TMEM131: variants seen among roughly 807,000 people sequenced by gnomAD.
TMEM131 encodes 2610524E03Rik.
Under a neutral mutation model 211.6 loss-of-function variants are expected in TMEM131, and 66 were observed. The observed-to-expected ratio is 0.31, with a 90% CI of 0.26 to 0.38. The LOEUF is 0.38. Ranked by LOEUF, TMEM131 falls within the 10% of genes least tolerant of loss-of-function variation. The pLI is 1.00. For missense variants in TMEM131, 2,036 were observed against 2,299.3 expected (o/e 0.89, Z 2.34); for synonymous variants, 844 against 841.3 (o/e 1.00, Z -0.06).
chr2:97,971,938 T>G (rs1679315566), intron 1 of TMEM131, among the ~76,000 whole-genome samples: 1 of 152,158 alleles, frequency 6.6e-6, no homozygotes, highest in Non-Finnish European at 1.5e-5. Context: ...GCGGGCACAG[T>G]GGCTCACACC....
In TMEM131 at chr2:97,802,755, T is replaced by G; in HGVS notation, c.2438A>C (p.Gln813Pro). Residue 813 changes from glutamine to proline, a missense_variant, in exon 23 of 41, where the codon CAA becomes CCA. Physicochemically the swap from Gln to Pro is moderately conservative, Grantham distance 76. This residue lies in a region of TMEM131 where 1,623 missense variants were observed against 1,805.9 expected (regional missense o/e 0.90). Transcript: ENST00000186436. ...SAIFEVNTDL[Q>P]KNIISKITAE... ...AGTGATTTTTGATATTATATTTTTT[T>G]GAAGGTCTGTATTTACTTCAAATAT... The G allele has an allele frequency of 1.9e-6, 3 of 1,573,596 alleles. No homozygotes were observed. The highest frequency in any genetic ancestry group is 2.4e-5 in the South Asian group (2 of 83,964).
At chr2:97,793,993 CAAAAAAAAAAAAAAAAAA>C (rs1169823016) in intron 29 of TMEM131, among the ~76,000 whole-genome samples, 3 of 54,434 alleles carry the variant, frequency 5.5e-5, no homozygotes, top group Non-Finnish European at 6.1e-5. Flanking sequence ...GACTCTGTCT[CAAAAAAAAAAAAAAAAAA>C]AAAACAAAAA....
intron 1 of TMEM131, among the ~76,000 whole-genome samples, chr2:97,984,802 TTA>T (rs1679955570): frequency 6.6e-6 from 1 of 151,950 alleles, no homozygotes; most frequent in African/African-American, 2.4e-5. Flanking sequence ...AAAAAGAGTT[TTA>T]GTTAAAAACA....
intron 4 of TMEM131, among the ~76,000 whole-genome samples, chr2:97,873,692 A>G (rs1425973274): frequency 6.6e-6 from 1 of 152,220 alleles, no homozygotes; most frequent in East Asian, 1.9e-4. Context: ...AAGGAATAGC[A>G]CGTCCACTCA....
chr2:97,927,507 T>C lies in TMEM131; in HGVS notation c.188-20A>G, dbSNP rs779909058. 2.0e-5 allele frequency: 31 copies of C among 1,537,584 alleles called. No individual in the cohort carries two copies. Among genetic ancestry groups the C allele is most frequent in the Non-Finnish European group, 2.7e-5 (31 of 1,145,386 alleles). ...CGAATGCTGTGAAGAAAACAAAACATACCATCACTTACAGGAACATAAATT... is the reference window on the plus strand; with the variant it reads ...CGAATGCTGTGAAGAAAACAAAACACACCATCACTTACAGGAACATAAATT... On this transcript the variant is annotated intron_variant, in intron 1 of 40. Coordinates refer to ENST00000186436, the MANE Select transcript of TMEM131 (RefSeq NM_015348.2).
chr2:97,966,921 A>C (rs768538185), intron 1 of TMEM131, among the ~76,000 whole-genome samples: 1 of 152,106 alleles, frequency 6.6e-6, no homozygotes, highest in Non-Finnish European at 1.5e-5. Flanking sequence ...CTCATATAAG[A>C]TGACAAGACT....
chr2:97,792,238 A>G (rs1228142934), intron 31 of TMEM131, 148 bp downstream of exon 31: 1 of 591,928 alleles, frequency 1.7e-6, no homozygotes, highest in Non-Finnish European at 2.8e-6. Flanking sequence ...TTTTATGGAA[A>G]AGTTGAAGTC....
chr2:97,920,096 G>A (rs984356962), intron 2 of TMEM131, among the ~76,000 whole-genome samples: 1 of 152,206 alleles, frequency 6.6e-6, no homozygotes, highest in African/African-American at 2.4e-5. Flanking sequence ...AGTGCAGGAT[G>A]CTTCCAATGG....
chr2:97,889,393 G>C (rs1379276866), intron 3 of TMEM131, among the ~76,000 whole-genome samples: 3 of 151,992 alleles, frequency 2.0e-5, no homozygotes, highest in East Asian at 1.9e-4. Flanking sequence ...CTGTTTCTTA[G>C]ATGTTATGTA....
intron 1 of TMEM131, among the ~76,000 whole-genome samples, chr2:97,943,089 G>GAAAGAAAC (rs1559464707): frequency 1.4e-5 from 2 of 147,170 alleles, no homozygotes; most frequent in East Asian, 4.0e-4. Context: ...AAGAAAGAAA[G>GAAAGAAAC]AAAGAAAGAA....
Position 97,995,528 on chromosome 2 carries a change from C to T in TMEM131, c.135G>A (p.Ala45=), listed in dbSNP as rs754819865. The T allele has an allele frequency of 7.2e-7, 1 of 1,384,032 alleles. No individual in the cohort carries two copies. Among genetic ancestry groups the T allele is most frequent in the Non-Finnish European group, 9.4e-7 (1 of 1,062,526 alleles). 85.7% of individuals were successfully genotyped at this position (1,384,032 alleles called of 1,614,324 possible). A position where few individuals can be genotyped will look rare whatever the true frequency, so the allele number is the denominator to read the frequency against. ...PRSAAAGLLG[A]LHLVMTLVVA... is the part of the protein sequence containing the mutation. ...CTACGAGGGTCATCACCAGGTGCAG[C>T]GCGCCTAGGAGGCCGGCGGCCGCGC... The change falls in exon 1 of 41, where the codon GCG becomes GCA. Residue 45 remains alanine, a synonymous_variant. Coordinates refer to ENST00000186436, the MANE Select transcript of TMEM131 (RefSeq NM_015348.2).
chr2:97,888,040 T>A lies in TMEM131; in HGVS notation c.359+12A>T. The A allele has an allele frequency of 6.2e-7, 1 of 1,610,760 alleles. No homozygotes were observed. The highest frequency in any genetic ancestry group is 8.5e-7 in the Non-Finnish European group (1 of 1,177,682). On this transcript the variant is annotated intron_variant, in intron 4 of 40. Coordinates refer to ENST00000186436, the MANE Select transcript of TMEM131 (RefSeq NM_015348.2). ...TTAATGGGAAAGTACAGTCCAAAAA[T>A]TTTAAACTTACTGTTCATGGAAATC...
intron 1 of TMEM131, among the ~76,000 whole-genome samples, chr2:97,948,225 T>C (rs758433557): frequency 6.6e-6 from 1 of 152,130 alleles, no homozygotes; most frequent in South Asian, 2.1e-4. Context: ...TTTTAGCTTT[T>C]ACTCCTCAAA....
At chr2:97,819,455 T>G (rs1426504913) in intron 11 of TMEM131, among the ~76,000 whole-genome samples, 1 of 152,228 alleles carries the variant, frequency 6.6e-6, no homozygotes, top group Admixed American at 6.5e-5. Context: ...ACGTAAAAGA[T>G]TCCAACCTCC....
intron 4 of TMEM131, among the ~76,000 whole-genome samples, chr2:97,861,002 C>T (rs886465802): frequency 8.5e-5 from 13 of 152,110 alleles, no homozygotes; most frequent in Admixed American, 5.2e-4. Flanking sequence ...GACAGTGCAG[C>T]GACTGTGAGA....
chr2:97,884,471 TTTG>T (rs1175056095), intron 4 of TMEM131, among the ~76,000 whole-genome samples: 2 of 152,198 alleles, frequency 1.3e-5, no homozygotes, highest in Non-Finnish European at 2.9e-5. Context: ...CCAATGCTTC[TTTG>T]TTGATTTTCT....
rs1553617870 is a variant in TMEM131, at chr2:97,943,057, G to GA, written c.188-15571dup. Among the ~76,000 whole-genome samples the GA allele has an allele frequency of 1.1e-3, 89 of 77,728 alleles. 3 individuals are homozygous for GA. Among genetic ancestry groups the GA allele is most frequent in the Admixed American group, 4.5e-3 (32 of 7,176 alleles). 51.0% of individuals were successfully genotyped at this position (77,728 alleles called of 152,430 possible). ...AAAAGAAAAGAAAGAAAGAAAGAAA[G>GA]AAAGAAAGAAAGAAAGAAAGAAAGA... On this transcript the variant is annotated intron_variant, in intron 1 of 40. Coordinates refer to ENST00000186436, the MANE Select transcript of TMEM131 (RefSeq NM_015348.2).
At chr2:97,923,627 TTA>T (rs1491272667) in intron 2 of TMEM131, among the ~76,000 whole-genome samples, 1 of 99,684 alleles carries the variant, frequency 1.0e-5, no homozygotes, top group African/African-American at 4.5e-5. Context: ...GTCTTTTTTT[TTA>T]AAAAAAAAAA....
intron 35 of TMEM131, 80 bp from the exon 36 acceptor site, chr2:97,762,280 G>T: frequency 7.1e-7 from 1 of 1,407,692 alleles, no homozygotes; most frequent in Non-Finnish European, 9.9e-7. Context: ...TGTTCTCTAA[G>T]ACTATGCATA....
Sources: gnomAD v4.1 joint callset for allele counts (sites outside exome capture counted in the v4.1 genomes callset) on GRCh38, gnomAD v4.1.1 for gene constraint, gnomAD v4.1.1 regional missense constraint, MANE v1.5 for transcripts, NCBI Gene and HGNC (gene_info 2026-07-23, HGNC 2026-07-21) for gene names.